ICA1: variants seen among roughly 807,000 people sequenced by gnomAD.
ICA1 encodes 69 kDa islet cell autoantigen.
ICA1 carries 40 observed loss-of-function variants against 71.0 expected under a neutral mutation model. That is an observed-to-expected ratio of 0.56 (90% CI 0.44 to 0.73). ICA1 has a LOEUF of 0.73. Ranked by LOEUF, ICA1 falls within the 30% of genes least tolerant of loss-of-function variation. The probability of loss-of-function intolerance (pLI) is 0.00; values close to 1 mark genes in which losing one functional copy is unlikely to be tolerated. For synonymous variants in ICA1, 207 were observed against 209.5 expected, an observed-to-expected ratio of 0.99 and a Z score of 0.10; for missense variants, 578 against 576.5, an observed-to-expected ratio of 1.00 and a Z score of -0.03.
At chr7:8,159,139 TG>T (rs1469675668) in intron 6 of ICA1, among the ~76,000 whole-genome samples, 3 of 152,252 alleles carry the variant, frequency 2.0e-5, no homozygotes, top group Non-Finnish European at 4.4e-5. Context: ...AGACTTTATT[TG>T]GATTTCACCA....
intron 8 of ICA1, among the ~76,000 whole-genome samples, chr7:8,150,886 T>G (rs973486027): frequency 7.2e-5 from 11 of 152,240 alleles, no homozygotes; most frequent in African/African-American, 2.4e-4. Flanking sequence ...TGCATGGCCC[T>G]GCTGGGGAAG....
At chr7:8,211,975 T>C (rs1249032617) in intron 6 of ICA1, among the ~76,000 whole-genome samples, 1 of 152,222 alleles carries the variant, frequency 6.6e-6, no homozygotes, top group African/African-American at 2.4e-5. Flanking sequence ...CTGTGGGCCA[T>C]AGGTTACTGA....
chr7:8,183,806 T>C (rs995639771), intron 6 of ICA1, among the ~76,000 whole-genome samples: 2 of 152,160 alleles, frequency 1.3e-5, no homozygotes, highest in Admixed American at 6.5e-5. Flanking sequence ...GTAAGGGCAG[T>C]TGAGAGGGTA....
In ICA1 at chr7:8,215,934, T is replaced by C. The variant is rs1351360808; in HGVS notation, c.579+2371A>G. Among the ~76,000 whole-genome samples the C allele has an allele frequency of 3.9e-5, 6 of 152,284 alleles. No homozygotes were observed. The East Asian group carries it at 7.7e-4, about 20-fold the overall frequency. The stretch of plus-strand genomic sequence containing the variant: ...CTGGGAGAGAAATGGAGACTCTGTT[T>C]AAAATGGAATCCTACTGGGACAAAA... On this transcript the variant is annotated intron_variant, in intron 6 of 13. Transcript: ENST00000402384.
At chr7:8,205,870 C>T (rs943616240) in intron 6 of ICA1, among the ~76,000 whole-genome samples, 1 of 152,210 alleles carries the variant, frequency 6.6e-6, no homozygotes, top group African/African-American at 2.4e-5. Context: ...GTCATTAAGG[C>T]TGACAGAAAA....
chr7:8,247,594 A>C (rs908652395), intron 1 of ICA1, among the ~76,000 whole-genome samples: 1 of 152,266 alleles, frequency 6.6e-6, no homozygotes, highest in South Asian at 2.1e-4. Context: ...GCCAGGTTTT[A>C]AGTACAGAGT....
intron 6 of ICA1, among the ~76,000 whole-genome samples, chr7:8,162,729 C>A (rs968288773): frequency 6.6e-6 from 1 of 152,102 alleles, no homozygotes; most frequent in Admixed American, 6.5e-5. Context: ...TCTGTTACCC[C>A]ATCTATCTTC....
chr7:8,236,095 T>C (rs1266891143), intron 1 of ICA1, 90 bp from the exon 2 acceptor site: 1 of 663,950 alleles, frequency 1.5e-6, no homozygotes, highest in Non-Finnish European at 2.5e-6. Flanking sequence ...ACCTAAGCCA[T>C]TTCTAGCTGT....
intron 6 of ICA1, among the ~76,000 whole-genome samples, chr7:8,167,642 AAGC>A (rs1806575360): frequency 6.6e-6 from 1 of 152,208 alleles, no homozygotes; most frequent in African/African-American, 2.4e-5. Flanking sequence ...TGTTAAAAAA[AAGC>A]ATTATTAAAC....
chr7:8,173,310 G>A lies in ICA1; in HGVS notation c.580-14658C>T, dbSNP rs542572722. On this transcript the variant is annotated intron_variant, in intron 6 of 13. Transcript: ENST00000402384. This position sits in a 1 kb window ranked among gnomAD's most constrained non-coding sequence, Gnocchi z 4.0. ...CAAAAGGACTCAGGAGTCAACCTAA[G>A]AGACTCCCACTAGCCAAAAATGAGA... Among the ~76,000 whole-genome samples, 112 of 152,286 alleles carry A rather than the reference G, an allele frequency of 7.4e-4. No homozygotes were observed. The highest frequency in any genetic ancestry group is 2.7e-3 in the African/African-American group (111 of 41,548).
intron 5 of ICA1, among the ~76,000 whole-genome samples, chr7:8,219,764 A>G (rs1796492175): frequency 6.6e-6 from 1 of 152,240 alleles, no homozygotes; most frequent in African/African-American, 2.4e-5. Context: ...CACTGGTGTG[A>G]AGGTTTGTGT....
At chr7:8,135,872 T>C (rs1217108109) in intron 12 of ICA1, among the ~76,000 whole-genome samples, 2 of 152,208 alleles carry the variant, frequency 1.3e-5, no homozygotes, top group African/African-American at 4.8e-5. Context: ...TTGAACTGTC[T>C]TCTGCTTTGT....
At chr7:8,190,599 T>A (rs1299931902) in intron 6 of ICA1, among the ~76,000 whole-genome samples, 1 of 152,176 alleles carries the variant, frequency 6.6e-6, no homozygotes, top group Non-Finnish European at 1.5e-5. Context: ...TCAGATGGCT[T>A]AGAAAACCCT....
intron 6 of ICA1, among the ~76,000 whole-genome samples, chr7:8,196,000 C>CA (rs1562948346): frequency 0.04 from 2,115 of 52,470 alleles, 27 homozygotes; most frequent in Middle Eastern, 0.087. Flanking sequence ...ACAACAACAA[C>CA]ACCAACACCA....
In ICA1 at chr7:8,218,300, C is replaced by A; in HGVS notation, c.579+5G>T. ...CCTTCTGCTAACCCTCATAAAACCT[C>A]CTACCTTCCTGAACTTCTCCATTTG... On this transcript the variant is annotated splice_donor_5th_base_variant and intron_variant, in intron 6 of 13. Coordinates refer to ENST00000402384, the MANE Select transcript of ICA1 (RefSeq NM_001136020.3). 1 of 1,613,952 alleles carries A rather than the reference C, an allele frequency of 6.2e-7. No homozygotes were observed. Among genetic ancestry groups the A allele is most frequent in the South Asian group, 1.1e-5 (1 of 91,068 alleles).
intron 1 of ICA1, among the ~76,000 whole-genome samples, chr7:8,240,282 G>T (rs1317242029): frequency 6.6e-6 from 1 of 151,778 alleles, no homozygotes; most frequent in Admixed American, 6.6e-5. Flanking sequence ...ACAGAGTCTG[G>T]AGTGGACCTC....
chr7:8,191,945 A>C (rs1388177373), intron 6 of ICA1, among the ~76,000 whole-genome samples: 1 of 152,088 alleles, frequency 6.6e-6, no homozygotes, highest in Non-Finnish European at 1.5e-5. Context: ...CAGATTCCCA[A>C]AATGTTAATT....
At chr7:8,253,812 G>T (rs2128539100) in intron 1 of ICA1, among the ~76,000 whole-genome samples, 1 of 152,298 alleles carries the variant, frequency 6.6e-6, no homozygotes, top group East Asian at 1.9e-4. Flanking sequence ...TGTGTATACA[G>T]AGGGATGACT....
chr7:8,125,523 A>T (rs770641657), intron 13 of ICA1, among the ~76,000 whole-genome samples: 1 of 152,180 alleles, frequency 6.6e-6, no homozygotes, highest in Non-Finnish European at 1.5e-5. Flanking sequence ...CTACCCTGAG[A>T]GCCCCAACAC....
Sources: gnomAD v4.1 joint callset for allele counts (sites outside exome capture counted in the v4.1 genomes callset) on GRCh38, gnomAD v4.1.1 for gene constraint, Gnocchi (gnomAD v3.1) non-coding constraint, MANE v1.5 for transcripts, NCBI Gene and HGNC (gene_info 2026-07-23, HGNC 2026-07-21) for gene names.